The following TBL1XR1 variants were observed in gnomAD, a reference collection of about 807,000 sequenced individuals.
TBL1XR1 encodes the protein TBL1X/Y related 1, also known as F-box-like/WD repeat-containing protein TBL1XR1.
In TBL1XR1, 5 loss-of-function variants were observed where a neutral mutation model predicts 66.9. The ratio of observed to expected loss-of-function variants is 0.07; its 90% CI spans 0.04 to 0.16. TBL1XR1 has a LOEUF of 0.16. Among genes scored for constraint, TBL1XR1 ranks in the 10% least tolerant of loss-of-function variants. TBL1XR1 has a pLI of 1.00. For synonymous variants in TBL1XR1, 210 were observed against 206.0 expected (o/e 1.02, Z -0.17); for missense variants, 238 against 623.2 (o/e 0.38, Z 6.58).
intron 2 of TBL1XR1, among the ~76,000 whole-genome samples, chr3:177,071,988 C>T (rs1288675157): frequency 6.6e-6 from 1 of 152,178 alleles, no homozygotes; most frequent in African/African-American, 2.4e-5. Context: ...AAGTACATCA[C>T]TCCATAACCA....
chr3:177,045,894 T>C (rs557227313), intron 10 of TBL1XR1, among the ~76,000 whole-genome samples: 5 of 152,276 alleles, frequency 3.3e-5, no homozygotes, highest in African/African-American at 1.2e-4. Flanking sequence ...CATTAAATAA[T>C]GCCACCTCTA....
chr3:177,112,403 C>T (rs938323805), intron 1 of TBL1XR1, among the ~76,000 whole-genome samples: 2 of 151,844 alleles, frequency 1.3e-5, no homozygotes, highest in Non-Finnish European at 2.9e-5. Flanking sequence ...CCACGGCCCC[C>T]GGCCTAAAGT....
chr3:177,054,347 T>A (rs1560122193), intron 3 of TBL1XR1, among the ~76,000 whole-genome samples: 1 of 152,154 alleles, frequency 6.6e-6, no homozygotes, highest in Non-Finnish European at 1.5e-5. Flanking sequence ...ATTTTTTACA[T>A]CTAGAATTAA....
intron 1 of TBL1XR1, among the ~76,000 whole-genome samples, chr3:177,183,380 T>C (rs980312390): frequency 6.6e-6 from 1 of 152,240 alleles, no homozygotes; most frequent in African/African-American, 2.4e-5. Flanking sequence ...TTGTGCCATA[T>C]GGATTTTTAG....
intron 1 of TBL1XR1, among the ~76,000 whole-genome samples, chr3:177,100,340 TAATG>T (rs1277749412): frequency 6.6e-6 from 1 of 152,244 alleles, no homozygotes; most frequent in Non-Finnish European, 1.5e-5. Context: ...CTTAATGTCT[TAATG>T]ATAGTTTTAC....
At chr3:177,079,993 G>A (rs1029928627) in intron 2 of TBL1XR1, 3 of 152,046 alleles carry the variant, frequency 2.0e-5, no homozygotes, top group Non-Finnish European at 4.4e-5. Context: ...GGCTCCTCTA[G>A]CTTTAACACT....
intron 1 of TBL1XR1, among the ~76,000 whole-genome samples, chr3:177,183,194 A>G (rs938461542): frequency 3.9e-5 from 6 of 152,190 alleles, no homozygotes; most frequent in African/African-American, 1.4e-4. Context: ...TAAAAGTAGA[A>G]AAGTACAATT....
At chr3:177,151,284 T>A (rs1730853707) in intron 1 of TBL1XR1, among the ~76,000 whole-genome samples, 1 of 152,216 alleles carries the variant, frequency 6.6e-6, no homozygotes, top group Non-Finnish European at 1.5e-5. Flanking sequence ...ACATTACCAG[T>A]GTGTATCAAA....
chr3:177,107,009 G>C (rs1410248774), intron 1 of TBL1XR1, among the ~76,000 whole-genome samples: 1 of 152,096 alleles, frequency 6.6e-6, no homozygotes, highest in Non-Finnish European at 1.5e-5. Flanking sequence ...ACCTCACAGT[G>C]ATAATGAACA....
chr3:177,057,625 T>C (rs1285812020), intron 3 of TBL1XR1, among the ~76,000 whole-genome samples: 1 of 152,196 alleles, frequency 6.6e-6, no homozygotes, highest in African/African-American at 2.4e-5. Flanking sequence ...TGTAAATATA[T>C]ATATGCAGAA....
At chr3:177,172,034 G>A (rs1263514696) in intron 1 of TBL1XR1, among the ~76,000 whole-genome samples, 1 of 152,054 alleles carries the variant, frequency 6.6e-6, no homozygotes, top group Non-Finnish European at 1.5e-5. Flanking sequence ...GGGAGGCCAA[G>A]GCAGGCGGAT....
chr3:177,114,726 A>C (rs540009470), intron 1 of TBL1XR1, among the ~76,000 whole-genome samples: 70 of 151,748 alleles, frequency 4.6e-4, no homozygotes, highest in African/African-American at 1.7e-3. Context: ...CTCTAATCCC[A>C]GTGGTTTGGG....
chr3:177,152,894 C>G (rs1476984378), intron 1 of TBL1XR1, among the ~76,000 whole-genome samples: 1 of 152,054 alleles, frequency 6.6e-6, no homozygotes, highest in African/African-American at 2.4e-5. Context: ...CTGGTGCTAC[C>G]CAACAGAACC....
At chr3:177,150,082 T>C (rs1300592254) in intron 1 of TBL1XR1, among the ~76,000 whole-genome samples, 1 of 152,202 alleles carries the variant, frequency 6.6e-6, no homozygotes, top group Non-Finnish European at 1.5e-5. Context: ...TTTTTTCTCT[T>C]ATCTGATTCC....
chr3:177,094,444 C>T (rs757871227), intron 2 of TBL1XR1, among the ~76,000 whole-genome samples: 16 of 152,160 alleles, frequency 1.1e-4, no homozygotes, highest in Non-Finnish European at 1.8e-4. Flanking sequence ...AGTAGAACTA[C>T]CATTTGATCC....
At chr3:177,197,618 C>CCGGGCGGGCGGGCGAG (rs1313257973), upstream of TBL1XR1, among the ~76,000 whole-genome samples, 31 of 130,772 alleles carry the variant, frequency 2.4e-4, no homozygotes, top group Admixed American at 9.0e-4. Flanking sequence ...GCGGCCTGCG[C>CCGGGCGGGCGGGCGAG]CGGGCGGGCG....
At chr3:177,163,169 A>G (rs1265267109) in intron 1 of TBL1XR1, among the ~76,000 whole-genome samples, 1 of 152,182 alleles carries the variant, frequency 6.6e-6, no homozygotes, top group Admixed American at 6.6e-5. Flanking sequence ...GACCGGTTAA[A>G]CTATGGAGTA....
intron 2 of TBL1XR1, among the ~76,000 whole-genome samples, chr3:177,095,419 G>T (rs1379373610): frequency 6.6e-6 from 1 of 151,188 alleles, no homozygotes; most frequent in East Asian, 1.9e-4. Context: ...TGCAATATGA[G>T]ATAATTACAA....
chr3:177,145,765 T>A (rs182212611), intron 1 of TBL1XR1, among the ~76,000 whole-genome samples: 8 of 152,380 alleles, frequency 5.3e-5, no homozygotes, highest in Non-Finnish European at 7.3e-5. Flanking sequence ...AGTCCATTTA[T>A]CAGAGTAGAT....
Sources: gnomAD v4.1 joint callset for allele counts (sites outside exome capture counted in the v4.1 genomes callset) on GRCh38, gnomAD v4.1.1 for gene constraint, MANE v1.5 for transcripts, NCBI Gene and HGNC (gene_info 2026-07-23, HGNC 2026-07-21) for gene names.